CAMKMT: variants seen among roughly 807,000 people sequenced by gnomAD.
The protein encoded by CAMKMT is CaM KMT.
CAMKMT carries 53 observed loss-of-function variants against 48.0 expected under a neutral mutation model. The observed-to-expected ratio is 1.10, with a 90% CI of 0.89 to 1.39. CAMKMT has a LOEUF of 1.39. Among genes scored for constraint, CAMKMT ranks in the 40% most tolerant of loss-of-function variants. CAMKMT has a pLI of 0.00. For synonymous variants in CAMKMT, 165 were observed against 152.3 expected, an observed-to-expected ratio of 1.08 and a Z score of -0.61; for missense variants, 428 against 402.7, an observed-to-expected ratio of 1.06 and a Z score of -0.54.
chr2:44,658,572 A>G, intron 3 of CAMKMT, among the ~76,000 whole-genome samples: 1 of 151,956 alleles, frequency 6.6e-6, no homozygotes, highest in East Asian at 1.9e-4. Context: ...AGTCAGACAG[A>G]CTCCAGTTCA....
At chr2:44,546,154 G>GACACACACACACACACACACACAC (rs4039614) in intron 3 of CAMKMT, among the ~76,000 whole-genome samples, 15 of 129,084 alleles carry the variant, frequency 1.2e-4, no homozygotes, top group African/African-American at 2.5e-4. Flanking sequence ...AGACTGCTAG[G>GACACACACACACACACACACACAC]ACACACACAC....
intron 3 of CAMKMT, among the ~76,000 whole-genome samples, chr2:44,637,099 CG>C (rs1673178750): frequency 6.6e-6 from 1 of 152,158 alleles, no homozygotes; most frequent in Non-Finnish European, 1.5e-5. Flanking sequence ...AGTGGGTGTT[CG>C]CTAAAACCAA....
intron 9 of CAMKMT, among the ~76,000 whole-genome samples, chr2:44,762,276 C>A (rs1327983882): frequency 6.6e-6 from 1 of 152,136 alleles, no homozygotes; most frequent in East Asian, 1.9e-4. Context: ...TCGCTTGAGG[C>A]CAAGAGTTCA....
intron 3 of CAMKMT, among the ~76,000 whole-genome samples, chr2:44,564,977 A>T (rs146281795): frequency 6.6e-6 from 1 of 152,366 alleles, no homozygotes; most frequent in East Asian, 1.9e-4. Flanking sequence ...CATAGTCCAA[A>T]GAGATTTCCA....
intron 3 of CAMKMT, among the ~76,000 whole-genome samples, chr2:44,602,921 C>A (rs967679515): frequency 1.3e-5 from 2 of 151,926 alleles, no homozygotes; most frequent in Non-Finnish European, 2.9e-5. Context: ...CTAGCTATCT[C>A]TCCATTATTT....
intron 3 of CAMKMT, chr2:44,391,925 C>T (rs1269907082): frequency 6.6e-6 from 1 of 152,624 alleles, no homozygotes; most frequent in African/African-American, 2.4e-5. Context: ...CTGCATTTGA[C>T]TTCTGGCTCT....
intron 3 of CAMKMT, among the ~76,000 whole-genome samples, chr2:44,508,846 A>G (rs2104762222): frequency 1.3e-5 from 2 of 152,318 alleles, no homozygotes; most frequent in South Asian, 4.1e-4. Context: ...CTGTAATCCC[A>G]GCACTCCGGG....
chr2:44,553,524 C>T (rs1030601745), intron 3 of CAMKMT, among the ~76,000 whole-genome samples: 1 of 152,176 alleles, frequency 6.6e-6, no homozygotes, highest in Non-Finnish European at 1.5e-5. Context: ...CCACACCCCA[C>T]TAATTTTTGT....
At chr2:44,510,311 A>G (rs1670475261) in intron 3 of CAMKMT, among the ~76,000 whole-genome samples, 1 of 152,166 alleles carries the variant, frequency 6.6e-6, no homozygotes, top group Admixed American at 6.5e-5. Flanking sequence ...TATTTTGTAG[A>G]ATGTCTGTTA....
At chr2:44,550,398 A>T (rs896116147) in intron 3 of CAMKMT, among the ~76,000 whole-genome samples, 1 of 146,474 alleles carries the variant, frequency 6.8e-6, no homozygotes, top group African/African-American at 2.5e-5. Flanking sequence ...TCAAAAAAAG[A>T]AAAAAAAAAA....
chr2:44,678,193 A>G (rs933756704), intron 3 of CAMKMT, among the ~76,000 whole-genome samples: 2 of 152,136 alleles, frequency 1.3e-5, no homozygotes, highest in South Asian at 4.1e-4. Context: ...TTGGAAAAAA[A>G]TTTTTTAAAT....
intron 3 of CAMKMT, among the ~76,000 whole-genome samples, chr2:44,632,992 T>C (rs1672922585): frequency 6.6e-6 from 1 of 152,134 alleles, no homozygotes; most frequent in African/African-American, 2.4e-5. Flanking sequence ...TATATATATA[T>C]CTATCCTATT....
At chr2:44,392,567 T>A (rs1681451153) in intron 3 of CAMKMT, among the ~76,000 whole-genome samples, 1 of 152,058 alleles carries the variant, frequency 6.6e-6, no homozygotes, top group Non-Finnish European at 1.5e-5. Context: ...CAATCATAAT[T>A]CTTTGTCATA....
chr2:44,716,419 T>A (rs1678178275), intron 7 of CAMKMT, among the ~76,000 whole-genome samples: 1 of 152,140 alleles, frequency 6.6e-6, no homozygotes, highest in South Asian at 2.1e-4. Context: ...TGATGACACA[T>A]ATTGGTGTGA....
At chr2:44,637,684 A>G (rs1449329898) in intron 3 of CAMKMT, among the ~76,000 whole-genome samples, 2 of 152,170 alleles carry the variant, frequency 1.3e-5, no homozygotes, top group African/African-American at 4.8e-5. Context: ...TTTGTTAAGA[A>G]GCCTATTAGT....
intron 3 of CAMKMT, among the ~76,000 whole-genome samples, chr2:44,404,913 T>C (rs1009541511): frequency 6.6e-6 from 1 of 152,118 alleles, no homozygotes; most frequent in African/African-American, 2.4e-5. Flanking sequence ...AGAATATAAA[T>C]GCTGGTGGTT....
At chr2:44,692,949 C>T (rs1298480331) in intron 3 of CAMKMT, among the ~76,000 whole-genome samples, 51 of 152,204 alleles carry the variant, frequency 3.4e-4, no homozygotes, top group Non-Finnish European at 4.4e-5. Context: ...CTATATGCGT[C>T]TGCTGTACAT....
intron 2 of CAMKMT, among the ~76,000 whole-genome samples, chr2:44,383,104 C>G (rs1389296808): frequency 6.6e-6 from 1 of 151,874 alleles, no homozygotes; most frequent in Admixed American, 6.6e-5. Flanking sequence ...ATGCATGACC[C>G]TGATGTCTCT....
intron 7 of CAMKMT, among the ~76,000 whole-genome samples, chr2:44,742,528 C>T (rs1257092117): frequency 6.6e-6 from 1 of 152,134 alleles, no homozygotes. Context: ...AGCACAGGAC[C>T]TGACACACAG....
Sources: allele counts gnomAD v4.1 joint callset (sites outside exome capture counted in the v4.1 genomes callset), GRCh38; gene constraint gnomAD v4.1.1; transcripts MANE v1.5; gene names NCBI Gene and HGNC (gene_info 2026-07-23, HGNC 2026-07-21).